Variants in CCDC91 observed in about 807,000 individuals in gnomAD.
The protein encoded by CCDC91 is coiled-coil domain containing 91.
Under a neutral mutation model 63.2 loss-of-function variants are expected in CCDC91, and 48 were observed. The ratio of observed to expected loss-of-function variants is 0.76; its 90% confidence interval spans 0.60 to 0.97. The LOEUF (loss-of-function observed/expected upper bound fraction) is 0.97, where lower values mean the gene tolerates loss of function less well. Ranked by LOEUF, CCDC91 falls within the 50% of genes least tolerant of loss-of-function variation. The pLI is 0.00. For missense variants in CCDC91, 500 were observed against 494.6 expected (o/e 1.01, Z -0.10); for synonymous variants, 167 against 165.8 (o/e 1.01, Z -0.06).
intron 11 of CCDC91, among the ~76,000 whole-genome samples, chr12:28,465,017 C>A (rs1950484160): frequency 6.6e-6 from 1 of 152,098 alleles, no homozygotes; most frequent in African/African-American, 2.4e-5. Context: ...ATGGAAGAGC[C>A]CTTGGGCCTT....
chr12:28,307,299 C>G (rs2137106865), intron 5 of CCDC91, among the ~76,000 whole-genome samples: 1 of 152,016 alleles, frequency 6.6e-6, no homozygotes, highest in South Asian at 2.1e-4. Flanking sequence ...GGATATTTGA[C>G]AAGAGTACTT....
intron 7 of CCDC91, 87 bp downstream of exon 7, chr12:28,362,602 A>G (rs777168186): frequency 8.8e-5 from 62 of 703,186 alleles, no homozygotes; most frequent in Non-Finnish European, 1.4e-4. Context: ...AACATATACA[A>G]ATTATATGTG....
At chr12:28,370,059 C>G (rs948566717) in intron 7 of CCDC91, among the ~76,000 whole-genome samples, 1 of 152,222 alleles carries the variant, frequency 6.6e-6, no homozygotes, top group African/African-American at 2.4e-5. Flanking sequence ...TATAAACATT[C>G]AACTCCTTGT....
chr12:28,307,833 C>G, intron 6 of CCDC91, 84 bp downstream of exon 6: 1 of 726,742 alleles, frequency 1.4e-6, no homozygotes, highest in Non-Finnish European at 2.4e-6. Context: ...TAATGAATAT[C>G]TTATGAATGA....
chr12:28,386,099 T>G (rs543706288), intron 7 of CCDC91, among the ~76,000 whole-genome samples: 5 of 152,186 alleles, frequency 3.3e-5, no homozygotes, highest in Non-Finnish European at 7.4e-5. Flanking sequence ...CTTAAAAAAT[T>G]GAGATCTCTG....
At chr12:28,496,364 C>T (rs1952279717) in intron 12 of CCDC91, among the ~76,000 whole-genome samples, 1 of 151,590 alleles carries the variant, frequency 6.6e-6, no homozygotes, top group African/African-American at 2.4e-5. Flanking sequence ...TAATTCCTCA[C>T]TTATGAATCA....
At chr12:28,381,907 G>A (rs1485452831) in intron 7 of CCDC91, among the ~76,000 whole-genome samples, 1 of 152,038 alleles carries the variant, frequency 6.6e-6, no homozygotes, top group African/African-American at 2.4e-5. Context: ...GGAACTGCAG[G>A]GGACCTCTGG....
intron 12 of CCDC91, among the ~76,000 whole-genome samples, chr12:28,537,413 T>C (rs1355661113): frequency 1.3e-5 from 2 of 152,336 alleles, no homozygotes; most frequent in East Asian, 3.9e-4. Context: ...AACTTTTCCA[T>C]AAATTTTAGT....
intron 3 of CCDC91, among the ~76,000 whole-genome samples, chr12:28,291,400 G>C (rs548400416): frequency 1.3e-5 from 2 of 152,236 alleles, no homozygotes; most frequent in South Asian, 4.1e-4. Flanking sequence ...ACAAGAATTG[G>C]GCCCTTTCTG....
At chr12:28,233,137 GCTGAGTT>G (rs1365794771) in intron 1 of CCDC91, among the ~76,000 whole-genome samples, 1 of 151,890 alleles carries the variant, frequency 6.6e-6, no homozygotes, top group Non-Finnish European at 1.5e-5. Flanking sequence ...TGTATCGTGT[GCTGAGTT>G]CTGATAAATA....
chr12:28,475,058 CTG>C (rs1016125199), intron 11 of CCDC91, among the ~76,000 whole-genome samples: 3 of 151,934 alleles, frequency 2.0e-5, no homozygotes, highest in Admixed American at 1.3e-4. Context: ...AAATGGTGTG[CTG>C]TGCATGGTAT....
rs140659973 is a variant in CCDC91, at chr12:28,204,815, G to A, written c.-15+14174G>A. On this transcript the variant is annotated intron_variant, in intron 1 of 12. Coordinates refer to ENST00000536442, the MANE Select transcript of CCDC91 (RefSeq NM_018318.5). ...GAAGTACAGCTAATTCTTCTGTAGC[G>A]TCTAGTTAGTGTAAAATATAAAAAA... Among the ~76,000 whole-genome samples, 1,017 of 152,206 alleles carry A rather than the reference G, an allele frequency of 6.7e-3. 7 individuals carry two copies. The highest frequency in any genetic ancestry group is 0.014 in the African/African-American group (584 of 41,524).
At chr12:28,415,353 A>G (rs988008768) in intron 8 of CCDC91, among the ~76,000 whole-genome samples, 1 of 151,830 alleles carries the variant, frequency 6.6e-6, no homozygotes, top group African/African-American at 2.4e-5. Flanking sequence ...CCTCCCGAGT[A>G]GCTGGGATTA....
chr12:28,472,148 G>C (rs1950852052), intron 11 of CCDC91, among the ~76,000 whole-genome samples: 1 of 152,116 alleles, frequency 6.6e-6, no homozygotes, highest in Non-Finnish European at 1.5e-5. Flanking sequence ...TCTTAAACTA[G>C]TCTATTGGAG....
intron 12 of CCDC91, among the ~76,000 whole-genome samples, chr12:28,518,220 A>G (rs1200296075): frequency 2.0e-5 from 3 of 152,030 alleles, no homozygotes; most frequent in Non-Finnish European, 2.9e-5. Flanking sequence ...ACTGTTTTCC[A>G]TAGTGGTTGT....
chr12:28,333,786 T>C (rs1472983173), intron 6 of CCDC91, among the ~76,000 whole-genome samples: 2 of 152,218 alleles, frequency 1.3e-5, no homozygotes, highest in Admixed American at 1.3e-4. Context: ...TTATATAGAC[T>C]TTATGACAGT....
At chr12:28,359,334 A>G (rs1565852789) in intron 6 of CCDC91, among the ~76,000 whole-genome samples, 1 of 152,218 alleles carries the variant, frequency 6.6e-6, no homozygotes, top group Non-Finnish European at 1.5e-5. Flanking sequence ...TCAATTTGTA[A>G]TGAATTAGGC....
chr12:28,464,534 A>G (rs1592747676), intron 11 of CCDC91, among the ~76,000 whole-genome samples: 1 of 152,202 alleles, frequency 6.6e-6, no homozygotes, highest in East Asian at 1.9e-4. Context: ...GGTCAGAGTC[A>G]CGAGGCCTCC....
At chr12:28,243,353 C>T (rs527978067) in intron 1 of CCDC91, among the ~76,000 whole-genome samples, 54 of 152,176 alleles carry the variant, frequency 3.5e-4, no homozygotes, top group African/African-American at 1.2e-3. Context: ...GAAACTGTGT[C>T]GAGTGTGACT....
Sources: allele counts gnomAD v4.1 joint callset (sites outside exome capture counted in the v4.1 genomes callset), GRCh38; gene constraint gnomAD v4.1.1; transcripts MANE v1.5; gene names NCBI Gene and HGNC (gene_info 2026-07-23, HGNC 2026-07-21).